The following WT1 variants were observed in gnomAD, a reference collection of about 807,000 sequenced individuals.
The protein encoded by WT1 is WT1 transcription factor, also known as Wilms tumor protein.
In WT1, 8 loss-of-function variants were observed where a neutral mutation model predicts 60.8. That is an observed-to-expected ratio of 0.13 (90% CI 0.08 to 0.24). WT1 has a LOEUF of 0.24. Among genes scored for constraint, WT1 ranks in the 10% least tolerant of loss-of-function variants. The probability of loss-of-function intolerance (pLI) is 1.00; values close to 1 mark genes in which losing one functional copy is unlikely to be tolerated. For missense variants in WT1, 568 were observed against 711.8 expected (o/e 0.80, Z 2.30); for synonymous variants, 312 against 297.1 (o/e 1.05, Z -0.52).
In WT1 at chr11:32,434,708, C is replaced by A. The variant is rs756414084; in HGVS notation, c.653G>T (p.Arg218Leu). ...CTCCCCGGCCTACTTACCCTGATTG[C>A]GAATAGCGGGCTGGCTCTCGAGGCA... The change falls in exon 1 of 10, where the codon CGC (arginine) becomes CTC (leucine). Residue 218 changes from arginine to leucine, a missense_variant. Transcript: ENST00000452863. The A allele has an allele frequency of 1.9e-6, 3 of 1,612,986 alleles. No individual in the cohort carries two copies. The highest frequency in any genetic ancestry group is 2.5e-6 in the Non-Finnish European group (3 of 1,179,962).
At chr11:32,400,610 T>C in intron 5 of WT1, 1 of 211,268 alleles carries the variant, frequency 4.7e-6, no homozygotes, top group East Asian at 1.1e-4. Context: ...GCCTGTGCTG[T>C]AGGTGGGCAC....
intron 3 of WT1, among the ~76,000 whole-genome samples, chr11:32,420,062 C>A (rs1564989299): frequency 6.6e-6 from 1 of 152,134 alleles, no homozygotes; most frequent in Non-Finnish European, 1.5e-5. Context: ...CTATGTCTTA[C>A]GTATATGACT....
rs186598490 is a variant in WT1, at chr11:32,428,218, A to G, written c.785-160T>C. 1.2e-3 allele frequency among the ~76,000 whole-genome samples: 180 copies of G among 152,302 alleles called. 1 individual carries two copies. Among genetic ancestry groups the G allele is most frequent in the East Asian group, 3.1e-3 (16 of 5,172 alleles). Reference sequence around the variant, plus strand: ...AGGCCGTCCAGAATGCAAGAAGCTAAGCCTCTCACTTTGCATTCCCCTAGC... The same window carrying G: ...AGGCCGTCCAGAATGCAAGAAGCTAGGCCTCTCACTTTGCATTCCCCTAGC... On this transcript the variant is annotated intron_variant, in intron 2 of 9. Transcript: ENST00000452863.
chr11:32,410,003 T>A (rs1852445848), intron 5 of WT1, among the ~76,000 whole-genome samples: 1 of 152,202 alleles, frequency 6.6e-6, no homozygotes, highest in Non-Finnish European at 1.5e-5. Context: ...CTCGGCTCAC[T>A]GCAACCTCCG....
At chr11:32,413,344 T>C (rs1852561546) in intron 5 of WT1, among the ~76,000 whole-genome samples, 1 of 152,248 alleles carries the variant, frequency 6.6e-6, no homozygotes, top group Non-Finnish European at 1.5e-5. Context: ...TGTGTCTGAA[T>C]TTGTCTTCAT....
At chr11:32,426,893 T>C (rs1394257185) in intron 3 of WT1, among the ~76,000 whole-genome samples, 1 of 151,588 alleles carries the variant, frequency 6.6e-6, no homozygotes, top group Non-Finnish European at 1.5e-5. Context: ...CTCCTCCACC[T>C]GCGGGACTGG....
At chr11:32,405,697 G>C (rs1852288512) in intron 5 of WT1, among the ~76,000 whole-genome samples, 1 of 152,114 alleles carries the variant, frequency 6.6e-6, no homozygotes, top group African/African-American at 2.4e-5. Context: ...GCATCAGACT[G>C]ATGCAATAGG....
At chr11:32,405,725 A>G (rs1267652440) in intron 5 of WT1, among the ~76,000 whole-genome samples, 3 of 152,174 alleles carry the variant, frequency 2.0e-5, no homozygotes, top group Non-Finnish European at 4.4e-5. Context: ...AGTAAATCAC[A>G]GTGCTTGGTA....
intron 3 of WT1, among the ~76,000 whole-genome samples, chr11:32,425,731 T>A (rs2133064125): frequency 1.3e-5 from 2 of 152,294 alleles, no homozygotes; most frequent in South Asian, 4.2e-4. Context: ...CTTGGGAAAT[T>A]TTCTGTGAGA....
chr11:32,411,760 G>A (rs1453541171), intron 5 of WT1, among the ~76,000 whole-genome samples: 1 of 152,200 alleles, frequency 6.6e-6, no homozygotes, highest in Non-Finnish European at 1.5e-5. Flanking sequence ...TCCACACTAA[G>A]TGAGAGGGAC....
intron 2 of WT1, among the ~76,000 whole-genome samples, 167 bp downstream of exon 2, chr11:32,428,330 G>GGA (rs1853133398): frequency 6.6e-6 from 1 of 152,250 alleles, no homozygotes; most frequent in Non-Finnish European, 1.5e-5. Flanking sequence ...TGGGATGGAG[G>GGA]GAGACCCAGT....
chr11:32,392,169 G>A, intron 8 of WT1, 105 bp from the exon 9 acceptor site: 4 of 978,368 alleles, frequency 4.1e-6, no homozygotes, highest in Non-Finnish European at 6.6e-6. Context: ...TTCCTGCCAT[G>A]CCTGCAATGT....
At chr11:32,415,336 G>A (rs949990739) in intron 5 of WT1, among the ~76,000 whole-genome samples, 7 of 151,808 alleles carry the variant, frequency 4.6e-5, no homozygotes, top group Non-Finnish European at 5.9e-5. Flanking sequence ...AGAAGCCAAG[G>A]AACTTAAGAC....
At chr11:32,413,063 T>C (rs1040490619) in intron 5 of WT1, among the ~76,000 whole-genome samples, 2 of 152,214 alleles carry the variant, frequency 1.3e-5, no homozygotes, top group Non-Finnish European at 2.9e-5. Context: ...ACCTATTCTT[T>C]GTGAAGCCAC....
Position 32,435,091 on chromosome 11 carries a change from G to T in WT1, c.270C>A (p.Ser90=). Residue 90 remains serine, a synonymous_variant, in exon 1 of 10, where the codon TCC becomes TCA. Transcript: ENST00000452863. Reference sequence around the variant, plus strand: ...GGGCACAGCCGCCGCCGCCACCCAGGGAGGGGACGGCGGGCAGCAGCGCGT... The same window carrying T: ...GGGCACAGCCGCCGCCGCCACCCAGTGAGGGGACGGCGGGCAGCAGCGCGT... 6.7e-7 allele frequency: 1 copy of T among 1,503,678 alleles called. No individual in the cohort carries two copies. The highest frequency in any genetic ancestry group is 2.1e-5 in the Admixed American group (1 of 47,530). 93.1% of individuals were successfully genotyped at this position (1,503,678 alleles called of 1,614,324 possible). A position where few individuals can be genotyped will look rare whatever the true frequency, so the allele number is the denominator to read the frequency against.
At chr11:32,419,771 G>A (rs774907590) in intron 3 of WT1, among the ~76,000 whole-genome samples, 14 of 152,230 alleles carry the variant, frequency 9.2e-5, no homozygotes, top group Non-Finnish European at 1.9e-4. Context: ...TCAGTTCGCT[G>A]CAACCTCAGT....
At chr11:32,391,579 C>T (rs1356374655) in intron 9 of WT1, among the ~76,000 whole-genome samples, 7 of 152,152 alleles carry the variant, frequency 4.6e-5, no homozygotes, top group Admixed American at 1.3e-4. Flanking sequence ...GAAAATAGTG[C>T]CATTAAACAT....
At chr11:32,400,866 A>T (rs1275272036) in intron 5 of WT1, among the ~76,000 whole-genome samples, 9 of 152,236 alleles carry the variant, frequency 5.9e-5, no homozygotes, top group Non-Finnish European at 1.3e-4. Context: ...GCACATTAGA[A>T]TTACACCTAG....
Position 32,416,576 on chromosome 11 carries a change from AGCAT to A in WT1, c.966-40_966-37del. ...AGAAGAGGTGGGGAGTGGGGAATGG[AGCAT>A]GCATGGATCTGGCAAGCCCCCCAGA... On this transcript the variant is annotated intron_variant, in intron 4 of 9. Coordinates refer to ENST00000452863, the MANE Select transcript of WT1 (RefSeq NM_024426.6). 1.9e-6 allele frequency: 3 copies of A among 1,613,496 alleles called. No homozygotes were observed. The Middle Eastern group carries it at 4.9e-4, about 266-fold the overall frequency.
Sources: gnomAD v4.1 joint callset for allele counts (sites outside exome capture counted in the v4.1 genomes callset) on GRCh38, gnomAD v4.1.1 for gene constraint, MANE v1.5 for transcripts, NCBI Gene and HGNC (gene_info 2026-07-23, HGNC 2026-07-21) for gene names.